RNF144A: variants seen among roughly 807,000 people sequenced by gnomAD.
RNF144A encodes ring finger protein 144A.
A neutral mutation model predicts 38.7 loss-of-function variants in RNF144A; 11 were observed. The ratio of observed to expected loss-of-function variants is 0.28; its 90% CI spans 0.18 to 0.47. RNF144A has a LOEUF of 0.47. Ranked by LOEUF, RNF144A falls within the 20% of genes least tolerant of loss-of-function variation. RNF144A has a pLI of 0.99. For synonymous variants in RNF144A, 149 were observed against 143.9 expected (o/e 1.04, Z -0.25); for missense variants, 316 against 377.2 (o/e 0.84, Z 1.34).
chr2:6,963,579 C>A (rs1056369100), intron 2 of RNF144A, among the ~76,000 whole-genome samples: 1 of 152,088 alleles, frequency 6.6e-6, no homozygotes, highest in African/African-American at 2.4e-5. Flanking sequence ...CAAAAATGAC[C>A]GAACAAAAGA....
rs1033338527 is a variant in RNF144A, at chr2:7,026,927, A to C, written c.657+2411A>C. ...AGAGTTTCCTGTGTTTTCTTTGTAC[A>C]TGAAGAAAAATGACCCTGTGGCCAG... On this transcript the variant is annotated intron_variant, in intron 7 of 8. Transcript: ENST00000320892. 2.6e-5 allele frequency among the ~76,000 whole-genome samples: 4 copies of C among 152,324 alleles called. No homozygotes were observed. In the East Asian group the frequency reaches 7.7e-4, roughly 29 times the overall value.
At position 7,042,490 on chromosome 2, in the gene RNF144A, C is replaced by T; in HGVS notation, c.*2730C>T. 2.0e-6 allele frequency: 2 copies of T among 985,530 alleles called. No homozygotes were observed. The highest frequency in any genetic ancestry group is 2.4e-6 in the Non-Finnish European group (2 of 829,978). 61.0% of individuals were successfully genotyped at this position (985,530 alleles called of 1,614,324 possible). On this transcript the variant is annotated 3_prime_UTR_variant, in exon 9 of 9. Coordinates refer to ENST00000320892, the MANE Select transcript of RNF144A (RefSeq NM_014746.6). ...TCCTGGGGAGTAAGGGGCGAAGGCC[C>T]TTAGACAACCATGGCTGCTGTACTG...
At chr2:6,979,704 A>C (rs1400003502) in intron 2 of RNF144A, among the ~76,000 whole-genome samples, 1 of 152,182 alleles carries the variant, frequency 6.6e-6, no homozygotes, top group Non-Finnish European at 1.5e-5. Flanking sequence ...TGGGGTTCAT[A>C]AGTTGAGAGA....
chr2:7,014,674 C>T (rs898310054), intron 4 of RNF144A, 38 bp from the exon 5 acceptor site: 23 of 1,572,110 alleles, frequency 1.5e-5, no homozygotes, highest in Non-Finnish European at 2.0e-5. Flanking sequence ...TAGCCCTCAG[C>T]TTGTTATCAT....
Position 6,944,151 on chromosome 2 carries a change from G to A in RNF144A, c.-12+3004G>A, listed in dbSNP as rs1170935966. On this transcript the variant is annotated intron_variant, in intron 2 of 8. Transcript: ENST00000320892. The surrounding 1 kb of genome is among the most constrained non-coding windows in gnomAD (Gnocchi z 4.7). ...AGGAGAGAGGACAGCGGGTCTGAGG[G>A]AGGAAGGAGCAGAGGAGGAGCCATT... Among the ~76,000 whole-genome samples the A allele has an allele frequency of 6.6e-6, 1 of 152,194 alleles. No homozygotes were observed. The highest frequency in any genetic ancestry group is 1.5e-5 in the Non-Finnish European group (1 of 68,020).
At chr2:7,072,753 G>C (rs139058343), downstream of RNF144A, among the ~76,000 whole-genome samples, 1 of 152,348 alleles carries the variant, frequency 6.6e-6, no homozygotes, top group East Asian at 1.9e-4. Flanking sequence ...TTTGTGGAAT[G>C]AGTGAATGAA....
chr2:7,006,049 T>C (rs1374947857), intron 3 of RNF144A, among the ~76,000 whole-genome samples: 1 of 152,084 alleles, frequency 6.6e-6, no homozygotes, highest in African/African-American at 2.4e-5. Flanking sequence ...AAGCATTTTT[T>C]CCTCGTGTTG....
intron 2 of RNF144A, among the ~76,000 whole-genome samples, chr2:6,991,164 A>G (rs1028467731): frequency 2.0e-5 from 3 of 152,248 alleles, no homozygotes; most frequent in African/African-American, 7.2e-5. Context: ...TTTCATGTGA[A>G]CATAAGTCTT....
At chr2:6,961,575 T>C (rs979096099) in intron 2 of RNF144A, among the ~76,000 whole-genome samples, 2 of 152,196 alleles carry the variant, frequency 1.3e-5, no homozygotes, top group African/African-American at 4.8e-5. Context: ...ACATAATTTA[T>C]ATTTTATTTC....
At chr2:6,934,497 A>G (rs1266456023) in intron 1 of RNF144A, among the ~76,000 whole-genome samples, 1 of 152,168 alleles carries the variant, frequency 6.6e-6, no homozygotes, top group Non-Finnish European at 1.5e-5. Context: ...TTATGTAGTT[A>G]GAACTTTACC....
chr2:6,979,225 A>G (rs1170088422), intron 2 of RNF144A, among the ~76,000 whole-genome samples: 1 of 152,164 alleles, frequency 6.6e-6, no homozygotes, highest in East Asian at 1.9e-4. Context: ...TGTGGTCTTC[A>G]GTCTTGGCCA....
At position 7,041,880 on chromosome 2, in the gene RNF144A, T is replaced by C. The variant is rs1673065582; in HGVS notation, c.*2120T>C. ...CAGGGCTAGAGCTCAGATGACCTTA[T>C]TTCTAGAGGGACAGGCTGTTCTGTT... On this transcript the variant is annotated 3_prime_UTR_variant, in exon 9 of 9. Coordinates refer to ENST00000320892, the MANE Select transcript of RNF144A (RefSeq NM_014746.6). 1 of 985,348 alleles carries C rather than the reference T, an allele frequency of 1.0e-6. No homozygotes were observed. Among genetic ancestry groups the C allele is most frequent in the Admixed American group, 6.2e-5 (1 of 16,260 alleles). 61.0% of individuals were successfully genotyped at this position (985,348 alleles called of 1,614,324 possible). A position where few individuals can be genotyped will look rare whatever the true frequency, so the allele number is the denominator to read the frequency against.
At position 7,020,639 on chromosome 2, in the gene RNF144A, C is replaced by T. The variant is rs770269234; in HGVS notation, c.468C>T (p.Cys156=). ...CCAGCTGGCACCCTGGCCAGGGCTG[C>T]CCGGAGACCATGCCGATCACCTTCC... The part of the protein sequence containing the change: ...CKASWHPGQG[C]PETMPITFLP... The change falls in exon 6 of 9, where the codon TGC becomes TGT. Residue 156 remains cysteine, a synonymous_variant. Transcript: ENST00000320892. 4 of 1,607,516 alleles carry T rather than the reference C, an allele frequency of 2.5e-6. No individual in the cohort carries two copies. The highest frequency in any genetic ancestry group is 3.4e-6 in the Non-Finnish European group (4 of 1,179,988).
At position 6,965,335 on chromosome 2, in the gene RNF144A, G is replaced by A. The variant is rs531308628; in HGVS notation, c.-12+24188G>A. On this transcript the variant is annotated intron_variant, in intron 2 of 8. Coordinates refer to ENST00000320892, the MANE Select transcript of RNF144A (RefSeq NM_014746.6). ...AGGAGGCAGTGGTGCCCTGCAAGGT[G>A]GGGAGCGGCCCCCACCACACATGTG... Among the ~76,000 whole-genome samples the A allele has an allele frequency of 1.7e-3, 263 of 152,284 alleles. 2 individuals are homozygous for A. Among genetic ancestry groups the A allele is most frequent in the African/African-American group, 6.0e-3 (249 of 41,546 alleles).
chr2:6,997,110 T>A (rs745852283), intron 3 of RNF144A, 49 bp downstream of exon 3: 2 of 1,595,852 alleles, frequency 1.3e-6, no homozygotes, highest in Non-Finnish European at 8.6e-7. Flanking sequence ...TAGGATGAGC[T>A]TTTTGCTTTC....
At position 7,040,969 on chromosome 2, in the gene RNF144A, C is replaced by T. The variant is rs1673011160; in HGVS notation, c.*1209C>T. ...CTGTCTGTGACCATTTCCATGGCAGCAGGATGCAGGGATTAATAAGGACAC... is the reference window on the plus strand; with the variant it reads ...CTGTCTGTGACCATTTCCATGGCAGTAGGATGCAGGGATTAATAAGGACAC... On this transcript the variant is annotated 3_prime_UTR_variant, in exon 9 of 9. Transcript: ENST00000320892. The T allele has an allele frequency of 6.1e-6, 6 of 985,172 alleles. No homozygotes were observed. The highest frequency in any genetic ancestry group is 7.2e-6 in the Non-Finnish European group (6 of 829,846). 61.0% of individuals were successfully genotyped at this position (985,172 alleles called of 1,614,324 possible).
intron 3 of RNF144A, among the ~76,000 whole-genome samples, chr2:7,011,455 A>C (rs531292674): frequency 2.6e-5 from 4 of 152,200 alleles, no homozygotes; most frequent in African/African-American, 9.6e-5. Flanking sequence ...AATCAGCCAC[A>C]TGTGGGTTTG....
chr2:7,011,570 C>T (rs12468736), intron 3 of RNF144A, among the ~76,000 whole-genome samples: 1 of 152,064 alleles, frequency 6.6e-6, no homozygotes, highest in Admixed American at 6.5e-5. Context: ...TGCATGTTTA[C>T]TGAGCTAACA....
rs969238643 is a variant in RNF144A at position 7,042,731 on chromosome 2, C to T, written c.*2971C>T. On this transcript the variant is annotated 3_prime_UTR_variant, in exon 9 of 9. Coordinates refer to ENST00000320892, the MANE Select transcript of RNF144A (RefSeq NM_014746.6). ...AAGATGCAGTCACCATAGATGTCCA[C>T]GTAGCAGAGACTGACTTAGGATCTG... The T allele has an allele frequency of 4.1e-6, 4 of 985,418 alleles. No individual in the cohort carries two copies. Among genetic ancestry groups the T allele is most frequent in the South Asian group, 4.7e-5 (1 of 21,296 alleles). 61.0% of individuals were successfully genotyped at this position (985,418 alleles called of 1,614,324 possible).
Sources: gnomAD v4.1 joint callset for allele counts (sites outside exome capture counted in the v4.1 genomes callset) on GRCh38, gnomAD v4.1.1 for gene constraint, Gnocchi (gnomAD v3.1) non-coding constraint, MANE v1.5 for transcripts, NCBI Gene and HGNC (gene_info 2026-07-23, HGNC 2026-07-21) for gene names.